COL6A2: variants seen among roughly 807,000 people sequenced by gnomAD.
The protein encoded by COL6A2 is collagen alpha-2(VI) chain.
A neutral mutation model predicts 124.9 loss-of-function variants in COL6A2; 90 were observed. The ratio of observed to expected loss-of-function variants is 0.72; its 90% CI spans 0.61 to 0.86. The LOEUF is 0.86. Ranked by LOEUF, COL6A2 falls within the 40% of genes least tolerant of loss-of-function variation. COL6A2 has a pLI of 0.00. For missense variants in COL6A2, 1,607 were observed against 1,502.5 expected (o/e 1.07, Z -1.15); for synonymous variants, 793 against 618.2 (o/e 1.28, Z -4.19).
Position 46,124,695 on chromosome 21 carries a change from A to T in COL6A2, c.1716A>T (p.Arg572Ser). Residue 572 changes from arginine to serine, a missense_variant, in exon 22 of 28, where the codon AGA (arginine) becomes AGT (serine). Around this residue, in one of 3 missense-constraint regions of COL6A2, gnomAD observed 1,223 missense variants for 1,052.2 expected, o/e 1.16. Transcript: ENST00000300527. ...GTGAGCCAGGCCCTCGGGGGCCAAGAGGAGTCCCAGGACCCGAGGTAGGTT... is the reference window on the plus strand; with the variant it reads ...GTGAGCCAGGCCCTCGGGGGCCAAGTGGAGTCCCAGGACCCGAGGTAGGTT... ...PPGEPGPRGPRGVPGPEGEPG... is the reference protein window; with the variant it reads ...PPGEPGPRGPSGVPGPEGEPG... 2 of 1,612,782 alleles carry T rather than the reference A, an allele frequency of 1.2e-6. No individual in the cohort carries two copies. Among genetic ancestry groups the T allele is most frequent in the Non-Finnish European group, 1.7e-6 (2 of 1,179,892 alleles).
Position 46,132,658 on chromosome 21 carries a change from G to A in COL6A2, c.*106G>A, listed in dbSNP as rs185393384. ...CAGCACCGCTGCTCACTCGGACGAC[G>A]CCCTGGGCCTGCACCTCTCCAGCTC... On this transcript the variant is annotated 3_prime_UTR_variant, in exon 28 of 28. Coordinates refer to ENST00000300527, the MANE Select transcript of COL6A2 (RefSeq NM_001849.4). 572 of 1,167,940 alleles carry A rather than the reference G, an allele frequency of 4.9e-4. 3 individuals carry two copies. Among genetic ancestry groups the A allele is most frequent in the South Asian group, 4.6e-3 (345 of 75,740 alleles). The allele number at this position is 1,167,940 out of a possible 1,614,324, so 72.3% of individuals were successfully genotyped here. A position where few individuals can be genotyped will look rare whatever the true frequency, so the allele number is the denominator to read the frequency against.
chr21:46,123,766 G>A (rs149995179), intron 21 of COL6A2, among the ~76,000 whole-genome samples: 1 of 134,898 alleles, frequency 7.4e-6, no homozygotes, highest in Admixed American at 7.2e-5. Flanking sequence ...ATGAGTGGGG[G>A]GATGGATGGG....
At position 46,132,787 on chromosome 21, in the gene COL6A2, C is replaced by G. The variant is rs547304242; in HGVS notation, c.*235C>G. 111 of 584,938 alleles carry G rather than the reference C, an allele frequency of 1.9e-4. No individual in the cohort carries two copies. Among genetic ancestry groups the G allele is most frequent in the Admixed American group, 1.6e-3 (53 of 33,334 alleles). The allele number at this position is 584,938 out of a possible 1,614,324, so 36.2% of individuals were successfully genotyped here. ...CTCCCCCTGCAGCCATCCCAAGGCT[C>G]CTGACCTACCTGGCCCCTGAGCTCT... On this transcript the variant is annotated 3_prime_UTR_variant, in exon 28 of 28. Transcript: ENST00000300527.
At chr21:46,107,816 C>T (rs1324877415) in intron 1 of COL6A2, among the ~76,000 whole-genome samples, 1 of 152,166 alleles carries the variant, frequency 6.6e-6, no homozygotes, top group Non-Finnish European at 1.5e-5. Flanking sequence ...CTGGATTAAA[C>T]CAATGTATTT....
At chr21:46,121,248 A>T in intron 17 of COL6A2, 125 bp downstream of exon 17, 1 of 954,452 alleles carries the variant, frequency 1.0e-6, no homozygotes, top group Non-Finnish European at 1.7e-6. Flanking sequence ...GCCTGGCCTC[A>T]GAAGCCAGGA....
At position 46,126,621 on chromosome 21, in the gene COL6A2, G is replaced by T. The variant is rs1011228841; in HGVS notation, c.2461+80G>T. On this transcript the variant is annotated intron_variant, in intron 27 of 27. Coordinates refer to ENST00000300527, the MANE Select transcript of COL6A2 (RefSeq NM_001849.4). ...CCTTCCTCCTCGAGGGCCGGGCTGG[G>T]GGAGGGGCCGTGCAGGGACCCGGGG... 3.1e-5 allele frequency: 49 copies of T among 1,570,516 alleles called. 1 individual carries two copies. The Admixed American group carries it at 7.8e-4, about 25-fold the overall frequency.
In COL6A2 at chr21:46,125,560, G is replaced by A. The variant is rs554113319; in HGVS notation, c.1912G>A (p.Val638Ile). ...CAACTTCACACTGGAGAAGAACTTC[G>A]TCATCAACGTGGTCAACAGGCTGGG... ...YTNFTLEKNFVINVVNRLGAI... is the reference protein window; with the variant it reads ...YTNFTLEKNFIINVVNRLGAI... Residue 638 changes from valine (V) to isoleucine (I), a missense_variant, in exon 25 of 28, where the codon GTC becomes ATC. Physicochemically the swap from Val to Ile is conservative, Grantham distance 29 (BLOSUM62 3). Around this residue, in one of 3 missense-constraint regions of COL6A2, gnomAD observed 1,223 missense variants for 1,052.2 expected, o/e 1.16. Coordinates refer to ENST00000300527, the MANE Select transcript of COL6A2 (RefSeq NM_001849.4). The A allele has an allele frequency of 1.6e-5, 26 of 1,612,820 alleles. No homozygotes were observed. Among genetic ancestry groups the A allele is most frequent in the Middle Eastern group, 1.6e-4 (1 of 6,062 alleles).
intron 1 of COL6A2, among the ~76,000 whole-genome samples, chr21:46,101,260 G>GT (rs1212747760): frequency 2.0e-5 from 3 of 152,022 alleles, no homozygotes; most frequent in Non-Finnish European, 4.4e-5. Flanking sequence ...CAAGTTGATT[G>GT]TTTTTTGTTG....
In COL6A2 at chr21:46,129,529, G is replaced by A. The variant is rs762921848; in HGVS notation, c.2462-2425G>A. On this transcript the variant is annotated intron_variant, in intron 27 of 27. Coordinates refer to ENST00000300527, the MANE Select transcript of COL6A2 (RefSeq NM_001849.4). ...CGCCCAGCCGGGCTGGGCCCTCCCT[G>A]CCACACTAGCTTCCCAGGGCTGCCC... The A allele has an allele frequency of 3.3e-6, 5 of 1,520,116 alleles. 1 individual carries two copies. Among genetic ancestry groups the A allele is most frequent in the African/African-American group, 1.4e-5 (1 of 72,882 alleles). 94.2% of individuals were successfully genotyped at this position (1,520,116 alleles called of 1,614,324 possible).
chr21:46,108,845 A>G (rs2078363633), intron 1 of COL6A2, among the ~76,000 whole-genome samples: 1 of 152,128 alleles, frequency 6.6e-6, no homozygotes, highest in Non-Finnish European at 1.5e-5. Flanking sequence ...TGAAACCTCT[A>G]TGGCCAGTGG....
intron 1 of COL6A2, chr21:46,098,802 C>G (rs968353807): frequency 6.6e-6 from 1 of 152,212 alleles, no homozygotes; most frequent in African/African-American, 2.4e-5. Context: ...ACGGAGGCGG[C>G]TCCCCAGGGC....
chr21:46,125,135 C>A, intron 23 of COL6A2, 131 bp from the exon 24 acceptor site: 1 of 1,066,078 alleles, frequency 9.4e-7, no homozygotes, highest in Non-Finnish European at 1.4e-6. Flanking sequence ...AGGGACAGGA[C>A]CCGCCAGCCT....
Position 46,131,905 on chromosome 21 carries a change from G to T in COL6A2, c.2462-49G>T. 5 of 1,518,448 alleles carry T rather than the reference G, an allele frequency of 3.3e-6. No individual in the cohort carries two copies. The Middle Eastern group carries it at 8.4e-4, about 254-fold the overall frequency. The allele number at this position is 1,518,448 out of a possible 1,614,324, so 94.1% of individuals were successfully genotyped here. A position where few individuals can be genotyped will look rare whatever the true frequency, so the allele number is the denominator to read the frequency against. On this transcript the variant is annotated intron_variant, in intron 27 of 27. Coordinates refer to ENST00000300527, the MANE Select transcript of COL6A2 (RefSeq NM_001849.4). ...CAGGTGCGGGGCTGGCACCTGCCCG[G>T]TCCTGCCCACCTCCCCTCCGCCCAG...
Position 46,123,656 on chromosome 21 carries a change from C to T in COL6A2, c.1671+719C>T, listed in dbSNP as rs138976520. ...GGGTGGGTGGATGGATAAGTGGATA[C>T]ATGGGTGAATGAGTAGATGTATGGG... On this transcript the variant is annotated intron_variant, in intron 21 of 27. Coordinates refer to ENST00000300527, the MANE Select transcript of COL6A2 (RefSeq NM_001849.4). Among the ~76,000 whole-genome samples, 5 of 144,240 alleles carry T rather than the reference C, an allele frequency of 3.5e-5. No individual in the cohort carries two copies. The South Asian group carries it at 6.7e-4, about 19-fold the overall frequency. The allele number at this position is 144,240 out of a possible 152,430, so 94.6% of individuals were successfully genotyped here. A position where few individuals can be genotyped will look rare whatever the true frequency, so the allele number is the denominator to read the frequency against.
Position 46,132,072 on chromosome 21 carries a change from G to T in COL6A2, c.2580G>T (p.Ala860=). 6.2e-7 allele frequency: 1 copy of T among 1,603,852 alleles called. No individual in the cohort carries two copies. The change falls in exon 28 of 28, where the codon GCG becomes GCT. Residue 860 remains alanine (A), a synonymous_variant. Coordinates refer to ENST00000300527, the MANE Select transcript of COL6A2 (RefSeq NM_001849.4). ...CCCGGCGCTTCGTGGAGCAGGTGGC[G>T]CGGCGGCTGACGCTGGCCCGGAGGG... ...HKARRFVEQV[A]RRLTLARRDD...
chr21:46,103,029 C>T (rs1286467971), intron 1 of COL6A2, among the ~76,000 whole-genome samples: 1 of 152,062 alleles, frequency 6.6e-6, no homozygotes, highest in Admixed American at 6.6e-5. Flanking sequence ...GTAGAATTCA[C>T]CAGTGCAGCC....
At position 46,118,963 on chromosome 21, in the gene COL6A2, C is replaced by T. The variant is rs190950473; in HGVS notation, c.1180-67C>T. On this transcript the variant is annotated intron_variant, in intron 13 of 27. Transcript: ENST00000300527. Reference sequence around the variant, plus strand: ...ATAATAGGGGCTCCACACCACACACCGCACAGGCGTGACCATGCCTCAGGG... The same window carrying T: ...ATAATAGGGGCTCCACACCACACACTGCACAGGCGTGACCATGCCTCAGGG... 3.5e-3 allele frequency: 4,452 copies of T among 1,273,258 alleles called. 18 individuals are homozygous for T. Among genetic ancestry groups the T allele is most frequent in the Non-Finnish European group, 4.2e-3 (3,709 of 873,396 alleles). The allele number at this position is 1,273,258 out of a possible 1,614,324, so 78.9% of individuals were successfully genotyped here.
chr21:46,129,546 G>A (rs1381140837), intron 27 of COL6A2: 52 of 1,496,458 alleles, frequency 3.5e-5, no homozygotes, highest in Admixed American at 4.5e-5. Flanking sequence ...TAGCTTCCCA[G>A]GGCTGCCCCC....
At chr21:46,101,626 T>C (rs1221158673) in intron 1 of COL6A2, among the ~76,000 whole-genome samples, 1 of 152,204 alleles carries the variant, frequency 6.6e-6, no homozygotes, top group Non-Finnish European at 1.5e-5. Flanking sequence ...GATATCTAGT[T>C]GTCTCTGCAC....
Sources: gnomAD v4.1 joint callset for allele counts (sites outside exome capture counted in the v4.1 genomes callset) on GRCh38, gnomAD v4.1.1 for gene constraint, gnomAD v4.1.1 regional missense constraint, MANE v1.5 for transcripts, NCBI Gene and HGNC (gene_info 2026-07-23, HGNC 2026-07-21) for gene names.